SMG1: variants seen among roughly 807,000 people sequenced by gnomAD.
SMG1 encodes serine/threonine-protein kinase SMG1.
Under a neutral mutation model 419.9 loss-of-function variants are expected in SMG1, and 22 were observed. The ratio of observed to expected loss-of-function variants is 0.05; its 90% CI spans 0.04 to 0.07. SMG1 has a LOEUF of 0.07. SMG1 is among the 10% of genes least tolerant of loss of function. The pLI is 1.00. For synonymous variants in SMG1, 1,538 were observed against 1,553.5 expected (o/e 0.99, Z 0.23); for missense variants, 3,185 against 4,342.0 (o/e 0.73, Z 7.49).
intron 10 of SMG1, among the ~76,000 whole-genome samples, chr16:18,880,743 A>G (rs777032073): frequency 2.3e-5 from 3 of 133,196 alleles, no homozygotes; most frequent in Middle Eastern, 3.9e-3. Context: ...CGGAGGGGGA[A>G]GCATTCTTGG....
chr16:18,925,624 C>CA (rs553285008), intron 1 of SMG1: 295 of 312,392 alleles, frequency 9.4e-4, no homozygotes, highest in Non-Finnish European at 1.4e-3. Context: ...AACTCGGGGT[C>CA]AGGGGGAGGC....
intron 7 of SMG1, 141 bp downstream of exon 7, chr16:18,885,400 G>C: frequency 9.6e-7 from 1 of 1,043,298 alleles, no homozygotes; most frequent in Admixed American, 1.8e-5. Flanking sequence ...AGAAAAATGC[G>C]GTATTTAACC....
intron 1 of SMG1, among the ~76,000 whole-genome samples, chr16:18,920,889 G>C (rs1005015616): frequency 3.3e-5 from 5 of 152,084 alleles, no homozygotes; most frequent in African/African-American, 1.2e-4. Context: ...TGTAATCCCA[G>C]CACTTTGGGA....
intron 54 of SMG1, 43 bp downstream of exon 54, chr16:18,829,243 T>C (rs2032992763): frequency 6.6e-7 from 1 of 1,512,544 alleles, no homozygotes; most frequent in South Asian, 1.2e-5. Flanking sequence ...TTTTTCAAGT[T>C]TCCTACCTTG....
chr16:18,887,878 C>CAAA (rs1349014124), intron 6 of SMG1, among the ~76,000 whole-genome samples: 1 of 142,860 alleles, frequency 7.0e-6, no homozygotes, highest in East Asian at 2.3e-4. Context: ...AATCAATGAT[C>CAAA]TTTTAGGCCA....
At chr16:18,908,558 G>T (rs968419788) in intron 1 of SMG1, among the ~76,000 whole-genome samples, 42 of 151,060 alleles carry the variant, frequency 2.8e-4, no homozygotes, top group Admixed American at 2.4e-3. Context: ...TATAATCAAG[G>T]TAAAGGTGAA....
chr16:18,834,850 T>TA, intron 49 of SMG1, 42 bp downstream of exon 49: 1 of 1,584,906 alleles, frequency 6.3e-7, no homozygotes, highest in Non-Finnish European at 8.6e-7. Context: ...GGATTAAAAA[T>TA]AAGACACAGG....
intron 41 of SMG1, 88 bp from the exon 42 acceptor site, chr16:18,840,034 A>T (rs1436482898): frequency 4.5e-6 from 5 of 1,104,606 alleles, no homozygotes; most frequent in South Asian, 3.4e-5. Flanking sequence ...TAGAATTTTT[A>T]AAAATGATTT....
intron 7 of SMG1, 154 bp downstream of exon 7, chr16:18,885,387 G>T: frequency 1.0e-6 from 1 of 970,570 alleles, no homozygotes; most frequent in East Asian, 2.4e-5. Context: ...ATGAATGTCA[G>T]AAAGAAAAAT....
intron 4 of SMG1, 84 bp from the exon 5 acceptor site, chr16:18,891,005 C>T: frequency 1.3e-6 from 1 of 756,908 alleles, no homozygotes; most frequent in South Asian, 1.5e-5. Context: ...TTGTCTTCCC[C>T]TCCAAATTCT....
At chr16:18,880,840 C>T (rs2036357665) in intron 10 of SMG1, among the ~76,000 whole-genome samples, 1 of 151,472 alleles carries the variant, frequency 6.6e-6, no homozygotes, top group East Asian at 1.9e-4. Context: ...TCAAGACCAG[C>T]CTGGGAAACA....
intron 56 of SMG1, among the ~76,000 whole-genome samples, chr16:18,818,518 C>A (rs2032225340): frequency 6.6e-6 from 1 of 152,080 alleles, no homozygotes; most frequent in Non-Finnish European, 1.5e-5. Flanking sequence ...AAGGGACATA[C>A]CACCATGCCC....
At chr16:18,810,354 A>T (rs181596161) in intron 62 of SMG1, among the ~76,000 whole-genome samples, 1 of 152,350 alleles carries the variant, frequency 6.6e-6, no homozygotes, top group East Asian at 1.9e-4. Context: ...ATATAAATGG[A>T]GGCACATTCT....
intron 1 of SMG1, among the ~76,000 whole-genome samples, chr16:18,922,201 G>C (rs959025027): frequency 6.6e-6 from 1 of 152,140 alleles, no homozygotes; most frequent in Admixed American, 6.5e-5. Flanking sequence ...TCTCTGTCTT[G>C]ATTGATACTA....
intron 1 of SMG1, among the ~76,000 whole-genome samples, chr16:18,897,227 T>C (rs1163838042): frequency 1.3e-5 from 2 of 152,230 alleles, no homozygotes; most frequent in African/African-American, 4.8e-5. Flanking sequence ...AGGGTGACTT[T>C]GCTGGTTTTA....
At position 18,815,177 on chromosome 16, in the gene SMG1, G is replaced by T; in HGVS notation, c.10619C>A (p.Ala3540Glu). 1 of 1,575,580 alleles carries T rather than the reference G, an allele frequency of 6.3e-7. No individual in the cohort carries two copies. The highest frequency in any genetic ancestry group is 8.6e-7 in the Non-Finnish European group (1 of 1,157,172). ...AAGACTCAGGACTCTTCTCCTACCT[G>T]CAGCGAAGGATGGCTGATAAGTAGC... ...SSATYQPSFA[A>E]AVRSNTGQKT... The change falls in exon 60 of 63, where the codon GCA becomes GAA. Residue 3540 changes from alanine (A) to glutamate (E), a missense_variant and splice_region_variant. Transcript: ENST00000446231.
In SMG1 at chr16:18,804,941, T is replaced by G. The variant is rs1256633263; in HGVS notation, c.*4628A>C. The G allele has an allele frequency of 6.5e-6, 1 of 152,710 alleles. No individual in the cohort carries two copies. The highest frequency in any genetic ancestry group is 1.5e-5 in the Non-Finnish European group (1 of 68,046). 9.5% of individuals were successfully genotyped at this position (152,710 alleles called of 1,614,324 possible). On this transcript the variant is annotated 3_prime_UTR_variant, in exon 63 of 63. Transcript: ENST00000446231. ...CATGTTAATGCAAATATGCACAAAG[T>G]AGGCATGTATTTGTTTTCCAAAAGA...
intron 23 of SMG1, among the ~76,000 whole-genome samples, chr16:18,864,453 C>T (rs1393234294): frequency 6.6e-6 from 1 of 152,008 alleles, no homozygotes; most frequent in Non-Finnish European, 1.5e-5. Flanking sequence ...CTGCCTCGGC[C>T]TCCCAAAATG....
chr16:18,855,054 C>T (rs2034821495), intron 29 of SMG1, 150 bp from the exon 30 acceptor site: 1 of 709,142 alleles, frequency 1.4e-6, no homozygotes, highest in African/African-American at 1.8e-5. Flanking sequence ...GCAGCTAGCA[C>T]AGTGCTTGAG....
Sources: allele counts gnomAD v4.1 joint callset (sites outside exome capture counted in the v4.1 genomes callset), GRCh38; gene constraint gnomAD v4.1.1; transcripts MANE v1.5; gene names NCBI Gene and HGNC (gene_info 2026-07-23, HGNC 2026-07-21).